The following ITGA9 variants were observed in gnomAD, a reference collection of about 807,000 sequenced individuals.
The protein encoded by ITGA9 is integrin subunit alpha 9.
ITGA9 carries 56 observed loss-of-function variants against 127.8 expected under a neutral mutation model. That is an observed-to-expected ratio of 0.44 (90% CI 0.35 to 0.55). The LOEUF (loss-of-function observed/expected upper bound fraction) is 0.55, where lower values mean the gene tolerates loss of function less well. Among genes scored for constraint, ITGA9 ranks in the 20% least tolerant of loss-of-function variants. The pLI, the probability that ITGA9 is intolerant of heterozygous loss-of-function variation, is 0.00. For synonymous variants in ITGA9, 508 were observed against 514.5 expected (o/e 0.99, Z 0.17); for missense variants, 1,196 against 1,347.1 (o/e 0.89, Z 1.76).
In ITGA9 at chr3:37,512,111, TC is replaced by T. The variant is rs1698927096; in HGVS notation, c.898-1650del. Among the ~76,000 whole-genome samples the T allele has an allele frequency of 6.8e-5, 8 of 117,822 alleles. 1 individual carries two copies. Among genetic ancestry groups the T allele is most frequent in the East Asian group, 2.6e-4 (1 of 3,896 alleles). The allele number at this position is 117,822 out of a possible 152,430, so 77.3% of individuals were successfully genotyped here. A position where few individuals can be genotyped will look rare whatever the true frequency, so the allele number is the denominator to read the frequency against. The stretch of plus-strand genomic sequence containing the variant: ...TTCCTTCCTTCCTTCCTTCCTTCCT[TC>T]CTTCCTTCTTTCTTTTCTTTTCTTT... On this transcript the variant is annotated intron_variant, in intron 8 of 27. Transcript: ENST00000264741.
chr3:37,817,670 T>TA (rs1464558803), intron 27 of ITGA9, among the ~76,000 whole-genome samples: 2 of 152,106 alleles, frequency 1.3e-5, no homozygotes, highest in Non-Finnish European at 2.9e-5. Context: ...CCACCAATGT[T>TA]AGTGAGCCAA....
At chr3:37,747,911 G>A (rs1007990153) in intron 22 of ITGA9, among the ~76,000 whole-genome samples, 1 of 151,720 alleles carries the variant, frequency 6.6e-6, no homozygotes, top group Admixed American at 6.6e-5. Context: ...TTTGTGGAGA[G>A]GGGGTCGGGT....
intron 15 of ITGA9, among the ~76,000 whole-genome samples, chr3:37,565,464 C>T (rs947612771): frequency 5.9e-5 from 9 of 152,186 alleles, no homozygotes; most frequent in African/African-American, 1.9e-4. Context: ...GCCATATATG[C>T]TATGCAGCCA....
chr3:37,576,996 C>T (rs144795161), intron 15 of ITGA9, among the ~76,000 whole-genome samples: 1 of 152,360 alleles, frequency 6.6e-6, no homozygotes, highest in African/African-American at 2.4e-5. Flanking sequence ...GTGGCTAGGA[C>T]ACCATGTGGT....
At chr3:37,641,978 C>T (rs1235676906) in intron 16 of ITGA9, among the ~76,000 whole-genome samples, 3 of 152,204 alleles carry the variant, frequency 2.0e-5, no homozygotes, top group African/African-American at 7.2e-5. Context: ...CATTCTGTCA[C>T]TTAGGCTGGA....
chr3:37,461,011 T>TC (rs1698311071), intron 1 of ITGA9, among the ~76,000 whole-genome samples: 1 of 152,170 alleles, frequency 6.6e-6, no homozygotes, highest in South Asian at 2.1e-4. Flanking sequence ...CTATCTAGTG[T>TC]CCAAGTGCTG....
intron 18 of ITGA9, among the ~76,000 whole-genome samples, chr3:37,716,316 TGA>T (rs1045940520): frequency 6.6e-6 from 1 of 151,790 alleles, no homozygotes; most frequent in African/African-American, 2.4e-5. Context: ...TACTCTGCTG[TGA>T]GAGAGATGGT....
chr3:37,776,980 A>G (rs938364634), intron 23 of ITGA9, among the ~76,000 whole-genome samples: 1 of 152,108 alleles, frequency 6.6e-6, no homozygotes, highest in Admixed American at 6.5e-5. Context: ...CAAGTTCCAG[A>G]CCTGGGTTCT....
Position 37,629,168 on chromosome 3 carries a change from TA to T in ITGA9, c.1690-18del. 1 of 1,612,164 alleles carries T rather than the reference TA, an allele frequency of 6.2e-7. No individual in the cohort carries two copies. The highest frequency in any genetic ancestry group is 8.5e-7 in the Non-Finnish European group (1 of 1,179,826). On this transcript the variant is annotated intron_variant, in intron 15 of 27. Transcript: ENST00000264741. The surrounding 1 kb of genome is among the most constrained non-coding windows in gnomAD (Gnocchi z 4.5). ...AGCCAGGATTAGTAGTTAATGCACG[TA>T]TTTGTTTATTGTTTCAGCGGAGGGT...
At chr3:37,574,462 C>A (rs189414114) in intron 15 of ITGA9, among the ~76,000 whole-genome samples, 87 of 152,214 alleles carry the variant, frequency 5.7e-4, no homozygotes, top group Non-Finnish European at 1.1e-3. Context: ...TCCTATTATT[C>A]TTTCCTGTTA....
chr3:37,690,676 G>A (rs941470900), intron 18 of ITGA9, among the ~76,000 whole-genome samples: 3 of 152,150 alleles, frequency 2.0e-5, no homozygotes, highest in African/African-American at 7.2e-5. Context: ...TGATAGAGGA[G>A]GCCATGCTAG....
chr3:37,589,361 C>A (rs1328581935), intron 15 of ITGA9, among the ~76,000 whole-genome samples: 1 of 152,130 alleles, frequency 6.6e-6, no homozygotes, highest in African/African-American at 2.4e-5. Context: ...TAGCATGGGA[C>A]TTACCAGTGA....
chr3:37,703,586 A>G (rs1003538179), intron 18 of ITGA9, among the ~76,000 whole-genome samples: 1 of 152,230 alleles, frequency 6.6e-6, no homozygotes, highest in Non-Finnish European at 1.5e-5. Flanking sequence ...ATCTATAGTC[A>G]TAAACAAGAT....
intron 23 of ITGA9, among the ~76,000 whole-genome samples, chr3:37,766,683 C>G (rs1455161342): frequency 1.3e-5 from 2 of 152,186 alleles, no homozygotes; most frequent in Non-Finnish European, 2.9e-5. Flanking sequence ...CAAGCAGATA[C>G]AATTCCAAGG....
chr3:37,596,234 T>A (rs939518472), intron 15 of ITGA9, among the ~76,000 whole-genome samples: 3 of 152,170 alleles, frequency 2.0e-5, no homozygotes, highest in Non-Finnish European at 4.4e-5. Flanking sequence ...AAATCCTGAG[T>A]CAAGATGCTT....
intron 23 of ITGA9, among the ~76,000 whole-genome samples, chr3:37,773,962 G>A (rs1696874401): frequency 6.6e-6 from 1 of 152,146 alleles, no homozygotes; most frequent in Non-Finnish European, 1.5e-5. Flanking sequence ...TTATCCAAGT[G>A]TGCATCTTCT....
At chr3:37,646,788 G>A (rs925863427) in intron 16 of ITGA9, among the ~76,000 whole-genome samples, 2 of 152,154 alleles carry the variant, frequency 1.3e-5, no homozygotes, top group Admixed American at 1.3e-4. Context: ...ATAAAATCAG[G>A]CTGAGGCCTT....
At chr3:37,541,845 T>G (rs1170047064) in intron 14 of ITGA9, among the ~76,000 whole-genome samples, 1 of 152,230 alleles carries the variant, frequency 6.6e-6, no homozygotes, top group Admixed American at 6.5e-5. Flanking sequence ...CCTCTACCTT[T>G]AGCGGTGCCT....
intron 15 of ITGA9, among the ~76,000 whole-genome samples, chr3:37,620,978 A>G (rs1198403119): frequency 6.6e-6 from 1 of 152,224 alleles, no homozygotes; most frequent in Non-Finnish European, 1.5e-5. Flanking sequence ...AAGGCAAATT[A>G]TATGGTTTGG....
Sources: gnomAD v4.1 joint callset for allele counts (sites outside exome capture counted in the v4.1 genomes callset) on GRCh38, gnomAD v4.1.1 for gene constraint, Gnocchi (gnomAD v3.1) non-coding constraint, MANE v1.5 for transcripts, NCBI Gene and HGNC (gene_info 2026-07-23, HGNC 2026-07-21) for gene names.